Variants in DEFB128 observed in about 807,000 individuals in gnomAD.
The protein encoded by DEFB128 is defensin beta 128.
Under a neutral mutation model 2.4 loss-of-function variants are expected in DEFB128, and 1 was observed. That is an observed-to-expected ratio of 0.41 (90% CI 0.15 to 1.96). The LOEUF is 1.96. DEFB128 is among the 30% of genes most tolerant of loss of function. The pLI is 0.30. For missense variants in DEFB128, 129 were observed against 104.9 expected, an observed-to-expected ratio of 1.23 and a Z score of -1.00; for synonymous variants, 59 against 39.1, an observed-to-expected ratio of 1.51 and a Z score of -1.89.
At chr20:189,060 G>A (rs722829) in intron 1 of DEFB128, among the ~76,000 whole-genome samples, 70,044 of 151,934 alleles carry the variant, frequency 0.46, 16,255 homozygotes, top group Middle Eastern at 0.55. Flanking sequence ...TTTGTGCTTC[G>A]TGCTTGTAAG....
Position 189,433 on chromosome 20 carries a change from G to A in DEFB128, c.49+142C>T, listed in dbSNP as rs2011118881. On this transcript the variant is annotated intron_variant, in intron 1 of 1. Transcript: ENST00000334391. ...ACCTCCTTGGGTGCCTCTCTTCTAAGGCATAGACTCAAGTCAGGCAACCAG... is the reference window on the plus strand; with the variant it reads ...ACCTCCTTGGGTGCCTCTCTTCTAAAGCATAGACTCAAGTCAGGCAACCAG... The A allele has an allele frequency of 1.3e-5, 11 of 856,944 alleles. No individual in the cohort carries two copies. In the Admixed American group the frequency reaches 2.0e-4, roughly 16 times the overall value. 53.1% of individuals were successfully genotyped at this position (856,944 alleles called of 1,614,324 possible). A position where few individuals can be genotyped will look rare whatever the true frequency, so the allele number is the denominator to read the frequency against.
rs2011112397 is a variant in DEFB128, at chr20:187,990, T to C, written c.178A>G (p.Lys60Glu). 1.2e-6 allele frequency: 2 copies of C among 1,614,028 alleles called. No homozygotes were observed. The highest frequency in any genetic ancestry group is 4.5e-5 in the East Asian group (2 of 44,876). ...GGCTTCTTAAATGACACATGTTTTTTCTCTTCTTCATCATTAGCACAACAT... is the reference window on the plus strand; with the variant it reads ...GGCTTCTTAAATGACACATGTTTTTCCTCTTCTTCATCATTAGCACAACAT... ...KLCCANDEEE[K>E]KHVSFKKPHQ... Residue 60 changes from lysine (K) to glutamate (E), a missense_variant, in exon 2 of 2, where the codon AAA (lysine) becomes GAA (glutamate). By Grantham distance (56) the Lys-to-Glu change is moderately conservative (BLOSUM62 1). Transcript: ENST00000334391.
intron 1 of DEFB128, 38 bp from the exon 2 acceptor site, chr20:188,156 G>A (rs763701232): frequency 6.5e-5 from 103 of 1,578,172 alleles, no homozygotes; most frequent in South Asian, 3.8e-4. Context: ...AGGTTAGTGC[G>A]TAAGGAAGAG....
At chr20:188,434 C>A (rs1220733154) in intron 1 of DEFB128, among the ~76,000 whole-genome samples, 2 of 152,182 alleles carry the variant, frequency 1.3e-5, no homozygotes, top group Non-Finnish European at 2.9e-5. Context: ...ACTCTCTCCA[C>A]CAAGCTCCAA....
chr20:189,599 T>TA lies in DEFB128; in HGVS notation c.24dup (p.Ile9TyrfsTer5). The stretch of plus-strand genomic sequence containing the variant: ...CCTGTGAGTACCTCAAACAGCAGAA[T>TA]AATGAGAACCAGAAACAGCTTCATA... On this transcript the variant is annotated frameshift_variant, in exon 1 of 2. Coordinates refer to ENST00000334391, the MANE Select transcript of DEFB128 (RefSeq NM_001037732.3). LOFTEE classifies it low-confidence loss of function (END_TRUNC). 1 of 1,613,904 alleles carries TA rather than the reference T, an allele frequency of 6.2e-7. No homozygotes were observed. The highest frequency in any genetic ancestry group is 8.5e-7 in the Non-Finnish European group (1 of 1,179,840).
chr20:188,061 C>T lies in DEFB128; in HGVS notation c.107G>A (p.Cys36Tyr), dbSNP rs761089977. 6.2e-6 allele frequency: 10 copies of T among 1,614,066 alleles called. No homozygotes were observed. The highest frequency in any genetic ancestry group is 1.3e-5 in the African/African-American group (1 of 75,036). The change falls in exon 2 of 2, where the codon TGC becomes TAC. Residue 36 changes from cysteine to tyrosine, a missense_variant. Coordinates refer to ENST00000334391, the MANE Select transcript of DEFB128 (RefSeq NM_001037732.3). Reference sequence around the variant, plus strand: ...TATTTCATATCTTTCTCCTACCTTGCATTTCTTCCTGCAATAGCCTGTTAC... The same window carrying T: ...TATTTCATATCTTTCTCCTACCTTGTATTTCTTCCTGCAATAGCCTGTTAC... ...NKVTGYCRKK[C>Y]KVGERYEIGC...
chr20:189,565 G>C lies in DEFB128; in HGVS notation c.49+10C>G. The C allele has an allele frequency of 6.2e-7, 1 of 1,612,676 alleles. No homozygotes were observed. Among genetic ancestry groups the C allele is most frequent in the Non-Finnish European group, 8.5e-7 (1 of 1,178,858 alleles). ...CTCTTAGGATGTTATAGTACATTTG[G>C]ACAAGTTACCTGTGAGTACCTCAAA... On this transcript the variant is annotated intron_variant, in intron 1 of 1. Transcript: ENST00000334391.
intron 1 of DEFB128, among the ~76,000 whole-genome samples, chr20:188,746 C>T (rs2011116199): frequency 6.6e-6 from 1 of 152,110 alleles, no homozygotes; most frequent in Non-Finnish European, 1.5e-5. Context: ...AAATGTGTTG[C>T]CCAGGGATCA....
chr20:189,115 T>C (rs1600159135), intron 1 of DEFB128, among the ~76,000 whole-genome samples: 1 of 152,170 alleles, frequency 6.6e-6, no homozygotes, highest in Non-Finnish European at 1.5e-5. Context: ...ATATAGTAAT[T>C]ATACTCCTTC....
At chr20:188,145 A>G (rs1421089019) in intron 1 of DEFB128, 27 bp from the exon 2 acceptor site, 2 of 1,601,808 alleles carry the variant, frequency 1.2e-6, no homozygotes, top group African/African-American at 1.3e-5. Flanking sequence ...ACATTGAACC[A>G]AGGTTAGTGC....
chr20:187,966 G>C lies in DEFB128; in HGVS notation c.202C>G (p.Pro68Ala). ...AGCTTCTCACCAGAATGTTGATGTG[G>C]CTTCTTAAATGACACATGTTTTTTC... ...EEKKHVSFKK[P>A]HQHSGEKLSV... is the part of the protein sequence containing the mutation. Residue 68 changes from proline to alanine, a missense_variant, in exon 2 of 2, where the codon CCA (proline) becomes GCA (alanine). Coordinates refer to ENST00000334391, the MANE Select transcript of DEFB128 (RefSeq NM_001037732.3). The C allele has an allele frequency of 6.2e-7, 1 of 1,613,888 alleles. No individual in the cohort carries two copies. Among genetic ancestry groups the C allele is most frequent in the Non-Finnish European group, 8.5e-7 (1 of 1,179,944 alleles).
At chr20:188,596 T>A (rs2011115537) in intron 1 of DEFB128, among the ~76,000 whole-genome samples, 1 of 152,178 alleles carries the variant, frequency 6.6e-6, no homozygotes, top group Non-Finnish European at 1.5e-5. Context: ...TTAATTCGGT[T>A]TCACACTCAC....
intron 1 of DEFB128, 104 bp downstream of exon 1, chr20:189,470 CT>C: frequency 7.4e-7 from 1 of 1,356,282 alleles, no homozygotes; most frequent in Non-Finnish European, 1.0e-6. Flanking sequence ...AGAATGGGTA[CT>C]TTTTTATGAT....
intron 1 of DEFB128, among the ~76,000 whole-genome samples, chr20:188,568 C>A (rs571812783): frequency 1.3e-5 from 2 of 152,340 alleles, no homozygotes; most frequent in African/African-American, 4.8e-5. Flanking sequence ...AAGAACATCA[C>A]AAACAAGACT....
intron 1 of DEFB128, among the ~76,000 whole-genome samples, chr20:189,309 A>G (rs373152965): frequency 1.2e-4 from 19 of 152,282 alleles, no homozygotes; most frequent in African/African-American, 4.6e-4. Context: ...TCTCAGGTGA[A>G]AACTGTGTCC....
chr20:189,158 A>G (rs112390316), intron 1 of DEFB128, among the ~76,000 whole-genome samples: 5 of 152,274 alleles, frequency 3.3e-5, no homozygotes, highest in African/African-American at 9.6e-5. Flanking sequence ...AAAGGAAATA[A>G]TGTGCTTAAT....
Position 187,943 on chromosome 20 carries a change from C to T in DEFB128, c.225G>A (p.Lys75=), listed in dbSNP as rs1247769736. Residue 75 remains lysine (K), a synonymous_variant, in exon 2 of 2, where the codon AAG becomes AAA. Coordinates refer to ENST00000334391, the MANE Select transcript of DEFB128 (RefSeq NM_001037732.3). ...TGATGTAATCCTGCAGCACACTCAG[C>T]TTCTCACCAGAATGTTGATGTGGCT... ...FKKPHQHSGE[K]LSVLQDYIIL... 19 of 1,613,918 alleles carry T rather than the reference C, an allele frequency of 1.2e-5. No homozygotes were observed. The highest frequency in any genetic ancestry group is 1.4e-5 in the Non-Finnish European group (17 of 1,179,938).
At position 189,684 on chromosome 20, in the gene DEFB128, A is replaced by T. The variant is rs764107542; in HGVS notation, c.-61T>A. The T allele has an allele frequency of 2.6e-6, 4 of 1,564,768 alleles. No homozygotes were observed. The highest frequency in any genetic ancestry group is 3.5e-6 in the Non-Finnish European group (4 of 1,136,762). On this transcript the variant is annotated 5_prime_UTR_variant, in exon 1 of 2. Transcript: ENST00000334391. ...CTTTGTCCAGTGGTCTGTGTGCCAC[A>T]GGTCTTTAAAGATGATCCAGAGTTT...
At position 188,000 on chromosome 20, in the gene DEFB128, A is replaced by G. The variant is rs531911445; in HGVS notation, c.168T>C (p.Asp56=). Residue 56 remains aspartate, a synonymous_variant, in exon 2 of 2, where the codon GAT becomes GAC. Transcript: ENST00000334391. The part of the protein sequence containing the change: ...CLSGKLCCAN[D]EEEKKHVSFK... The stretch of plus-strand genomic sequence containing the variant: ...ATGACACATGTTTTTTCTCTTCTTC[A>G]TCATTAGCACAACATAATTTCCCAC... The G allele has an allele frequency of 5.2e-5, 84 of 1,613,772 alleles. No homozygotes were observed. The highest frequency in any genetic ancestry group is 6.7e-5 in the Non-Finnish European group (79 of 1,179,874).
Sources: allele counts gnomAD v4.1 joint callset (sites outside exome capture counted in the v4.1 genomes callset), GRCh38; gene constraint gnomAD v4.1.1; transcripts MANE v1.5; gene names NCBI Gene and HGNC (gene_info 2026-07-23, HGNC 2026-07-21).